PTPRD: variants seen among roughly 807,000 people sequenced by gnomAD.
The protein encoded by PTPRD is protein tyrosine phosphatase receptor type D.
PTPRD carries 34 observed loss-of-function variants against 214.5 expected under a neutral mutation model. That is an observed-to-expected ratio of 0.16 (90% CI 0.12 to 0.21). The LOEUF (loss-of-function observed/expected upper bound fraction) is 0.21. PTPRD is among the 10% of genes least tolerant of loss of function. The pLI is 1.00. For missense variants in PTPRD, 2,545 were observed against 2,398.7 expected (o/e 1.06, Z -1.27); for synonymous variants, 1,128 against 845.7 (o/e 1.33, Z -5.79).
At chr9:9,616,706 G>A (rs1298198315) in intron 7 of PTPRD, among the ~76,000 whole-genome samples, 1 of 152,068 alleles carries the variant, frequency 6.6e-6, no homozygotes, top group African/African-American at 2.4e-5. Context: ...ACCTTTTCTA[G>A]AAAACTCACG....
chr9:8,704,546 A>T (rs2098160657), intron 12 of PTPRD, among the ~76,000 whole-genome samples: 1 of 152,148 alleles, frequency 6.6e-6, no homozygotes, highest in South Asian at 2.1e-4. Flanking sequence ...CTTACAGGGG[A>T]TGCATTAAAG....
At chr9:8,430,136 G>C (rs1336481482) in intron 35 of PTPRD, among the ~76,000 whole-genome samples, 1 of 152,188 alleles carries the variant, frequency 6.6e-6, no homozygotes, top group Non-Finnish European at 1.5e-5. Context: ...CTGAAGTAGA[G>C]TATGTGATTT....
intron 3 of PTPRD, among the ~76,000 whole-genome samples, chr9:10,271,403 C>G (rs2094411430): frequency 6.6e-6 from 1 of 151,588 alleles, no homozygotes; most frequent in Non-Finnish European, 1.5e-5. Flanking sequence ...TTTATGACTT[C>G]TAAGAATCTA....
At chr9:9,610,879 C>A (rs192839219) in intron 7 of PTPRD, among the ~76,000 whole-genome samples, 1 of 152,170 alleles carries the variant, frequency 6.6e-6, no homozygotes, top group Admixed American at 6.5e-5. Context: ...AGTTTTATTT[C>A]TGCTAAAACA....
intron 10 of PTPRD, among the ~76,000 whole-genome samples, chr9:9,024,152 T>C (rs2154371709): frequency 6.6e-6 from 1 of 151,894 alleles, no homozygotes; most frequent in East Asian, 1.9e-4. Context: ...TATGCATTAA[T>C]ATATATTTTA....
At chr9:8,728,693 G>A (rs528630882) in intron 12 of PTPRD, among the ~76,000 whole-genome samples, 44 of 152,282 alleles carry the variant, frequency 2.9e-4, no homozygotes, top group African/African-American at 9.9e-4. Context: ...TTAAAAAAAT[G>A]TTTTTGGCTG....
chr9:9,483,310 C>T (rs773779103), intron 8 of PTPRD, among the ~76,000 whole-genome samples: 4 of 152,152 alleles, frequency 2.6e-5, no homozygotes, highest in South Asian at 2.1e-4. Context: ...ACAGCAAGTA[C>T]GTTGCCCTTA....
At chr9:10,472,413 T>A (rs1427293448) in intron 2 of PTPRD, among the ~76,000 whole-genome samples, 1 of 150,740 alleles carries the variant, frequency 6.6e-6, no homozygotes, top group Admixed American at 6.6e-5. Flanking sequence ...AATTTATCTT[T>A]TGCAAATGTG....
At chr9:9,805,278 C>A (rs57345147) in intron 5 of PTPRD, among the ~76,000 whole-genome samples, 1 of 151,914 alleles carries the variant, frequency 6.6e-6, no homozygotes, top group Non-Finnish European at 1.5e-5. Context: ...TTGCCTAGTG[C>A]CCTTTGTTTG....
intron 10 of PTPRD, among the ~76,000 whole-genome samples, chr9:9,077,887 G>C (rs914612974): frequency 6.6e-6 from 1 of 152,000 alleles, no homozygotes; most frequent in Non-Finnish European, 1.5e-5. Context: ...TCTCAAACTT[G>C]AATGAGCTCT....
At chr9:10,013,539 G>A (rs2096642483) in intron 4 of PTPRD, among the ~76,000 whole-genome samples, 1 of 150,638 alleles carries the variant, frequency 6.6e-6, no homozygotes, top group African/African-American at 2.4e-5. Flanking sequence ...GGTAAAGTCA[G>A]TGTACAAAGC....
At chr9:9,506,858 G>A (rs2096582537) in intron 8 of PTPRD, among the ~76,000 whole-genome samples, 1 of 151,356 alleles carries the variant, frequency 6.6e-6, no homozygotes, top group Admixed American at 6.6e-5. Flanking sequence ...TACCAGTCTT[G>A]TTAACAAGGC....
At chr9:9,272,053 C>CT (rs558168205) in intron 9 of PTPRD, among the ~76,000 whole-genome samples, 16 of 148,104 alleles carry the variant, frequency 1.1e-4, no homozygotes, top group African/African-American at 2.2e-4. Context: ...AAAGTCAAAA[C>CT]TTTTTTTTTT....
intron 39 of PTPRD, among the ~76,000 whole-genome samples, chr9:8,361,159 A>AT (rs907598235): frequency 8.1e-4 from 124 of 152,246 alleles, no homozygotes; most frequent in African/African-American, 2.8e-3. Context: ...TAAAACTGCT[A>AT]TTTTTTTCTA....
At chr9:10,159,906 G>A (rs529168442) in intron 3 of PTPRD, among the ~76,000 whole-genome samples, 5 of 152,086 alleles carry the variant, frequency 3.3e-5, no homozygotes, top group Admixed American at 2.6e-4. Flanking sequence ...GTGTTCAAAA[G>A]GGATTTGAGC....
At chr9:8,497,106 G>A (rs1028394024) in intron 26 of PTPRD, 136 bp downstream of exon 26, 1 of 746,026 alleles carries the variant, frequency 1.3e-6, no homozygotes. Flanking sequence ...ACCACACAGT[G>A]AAGATAACTT....
At chr9:10,104,436 T>C (rs1260868709) in intron 3 of PTPRD, among the ~76,000 whole-genome samples, 1 of 151,650 alleles carries the variant, frequency 6.6e-6, no homozygotes, top group African/African-American at 2.4e-5. Flanking sequence ...CACACACACA[T>C]AATGCAGGTC....
intron 9 of PTPRD, among the ~76,000 whole-genome samples, chr9:9,346,666 A>C (rs1009730982): frequency 1.3e-5 from 2 of 151,978 alleles, no homozygotes; most frequent in Non-Finnish European, 2.9e-5. Flanking sequence ...TATTTGTACT[A>C]TTCTATTAAA....
intron 3 of PTPRD, among the ~76,000 whole-genome samples, chr9:10,284,146 T>C (rs1299194621): frequency 2.6e-5 from 4 of 152,182 alleles, no homozygotes; most frequent in Non-Finnish European, 5.9e-5. Flanking sequence ...TTCTGTGGAG[T>C]TAGGTGTCCT....
Sources: allele counts gnomAD v4.1 joint callset (sites outside exome capture counted in the v4.1 genomes callset), GRCh38; gene constraint gnomAD v4.1.1; transcripts MANE v1.5; gene names NCBI Gene and HGNC (gene_info 2026-07-23, HGNC 2026-07-21).